CD274: variants seen among roughly 807,000 people sequenced by gnomAD.
The protein encoded by CD274 is CD274 molecule.
A neutral mutation model predicts 30.1 loss-of-function variants in CD274; 8 were observed. That is an observed-to-expected ratio of 0.27 (90% CI 0.16 to 0.48). The LOEUF is 0.48. CD274 is among the 20% of genes least tolerant of loss of function. CD274 has a pLI of 0.99. For synonymous variants in CD274, 152 were observed against 124.6 expected (o/e 1.22, Z -1.46); for missense variants, 353 against 346.6 (o/e 1.02, Z -0.15).
Position 5,455,836 on chromosome 9 carries a change from G to C in CD274, c.-14-264G>C, listed in dbSNP as rs565840649. On this transcript the variant is annotated intron_variant, in intron 1 of 6. Transcript: ENST00000381577. The stretch of plus-strand genomic sequence containing the variant: ...TATCTTCTTGGCTTCTTTTGAGTGG[G>C]CAGATTTTTTTCACGGCCTGTAACT... 1.8e-3 allele frequency among the ~76,000 whole-genome samples: 271 copies of C among 152,260 alleles called. 1 individual carries two copies. The highest frequency in any genetic ancestry group is 6.0e-3 in the African/African-American group (249 of 41,546).
intron 3 of CD274, among the ~76,000 whole-genome samples, chr9:5,457,877 G>A (rs960178455): frequency 5.3e-5 from 8 of 151,744 alleles, no homozygotes; most frequent in East Asian, 1.9e-4. Flanking sequence ...TATTAGGTCC[G>A]TCAGTTTTCC....
At chr9:5,458,447 C>A (rs544594116) in intron 3 of CD274, among the ~76,000 whole-genome samples, 1 of 152,172 alleles carries the variant, frequency 6.6e-6, no homozygotes, top group Non-Finnish European at 1.5e-5. Flanking sequence ...TAGTTGTAGT[C>A]TTGGGATTAT....
chr9:5,452,972 TTAATATTTTA>T (rs1296648516), intron 1 of CD274, among the ~76,000 whole-genome samples: 1 of 151,944 alleles, frequency 6.6e-6, no homozygotes, highest in African/African-American at 2.4e-5. Flanking sequence ...AAATATCACA[TTAATATTTTA>T]TAACTGTACA....
intron 5 of CD274, 61 bp downstream of exon 5, chr9:5,465,667 C>A: frequency 9.6e-7 from 1 of 1,039,310 alleles, no homozygotes; most frequent in Non-Finnish European, 1.5e-6. Flanking sequence ...AGAATTGGAT[C>A]ATGGCTGCAA....
intron 1 of CD274, among the ~76,000 whole-genome samples, chr9:5,454,416 T>C (rs1368035611): frequency 6.6e-6 from 1 of 152,172 alleles, no homozygotes; most frequent in Non-Finnish European, 1.5e-5. Flanking sequence ...ACACACACTT[T>C]TTTTTTTCAG....
chr9:5,452,383 G>T (rs1563801307), intron 1 of CD274, among the ~76,000 whole-genome samples: 1 of 152,122 alleles, frequency 6.6e-6, no homozygotes, highest in Non-Finnish European at 1.5e-5. Flanking sequence ...AGTAGTATTA[G>T]TTCCATAGTG....
chr9:5,451,210 A>G (rs912937641), intron 1 of CD274, among the ~76,000 whole-genome samples: 1 of 152,206 alleles, frequency 6.6e-6, no homozygotes, highest in African/African-American at 2.4e-5. Context: ...ACAAGGAGTA[A>G]AAGTACCATT....
chr9:5,463,230 T>C (rs904308082), intron 4 of CD274, 109 bp downstream of exon 4: 1 of 825,042 alleles, frequency 1.2e-6, no homozygotes, highest in Non-Finnish European at 2.0e-6. Flanking sequence ...AATGAATGAA[T>C]GAATAACACT....
rs2131212562 is a variant in CD274 at position 5,457,336 on chromosome 9, G to A, written c.310G>A (p.Val104Met). The change falls in exon 3 of 7, where the codon GTG becomes ATG. Residue 104 changes from valine to methionine, a missense_variant. Val to Met is a conservative substitution (Grantham distance 21). Transcript: ENST00000381577. ...LGNAALQITDVKLQDAGVYRC... is the reference protein window; with the variant it reads ...LGNAALQITDMKLQDAGVYRC... Reference sequence around the variant, plus strand: ...AAATGCTGCACTTCAGATCACAGATGTGAAATTGCAGGATGCAGGGGTGTA... The same window carrying A: ...AAATGCTGCACTTCAGATCACAGATATGAAATTGCAGGATGCAGGGGTGTA... 6.2e-7 allele frequency: 1 copy of A among 1,614,116 alleles called. No individual in the cohort carries two copies. The highest frequency in any genetic ancestry group is 8.5e-7 in the Non-Finnish European group (1 of 1,180,000).
chr9:5,454,315 T>C (rs1819261765), intron 1 of CD274, among the ~76,000 whole-genome samples: 1 of 152,124 alleles, frequency 6.6e-6, no homozygotes, highest in Non-Finnish European at 1.5e-5. Context: ...TTAAAAACAA[T>C]AAAGAGTGAA....
At chr9:5,456,700 C>G (rs1819310523) in intron 2 of CD274, among the ~76,000 whole-genome samples, 1 of 152,228 alleles carries the variant, frequency 6.6e-6, no homozygotes, top group African/African-American at 2.4e-5. Context: ...CTGTTAGAAT[C>G]TACCATTCCC....
intron 1 of CD274, among the ~76,000 whole-genome samples, chr9:5,454,401 C>T (rs773167669): frequency 1.3e-5 from 2 of 151,874 alleles, no homozygotes; most frequent in Non-Finnish European, 2.9e-5. Context: ...TGTGTCTAAA[C>T]ACACACACAC....
chr9:5,451,488 G>A (rs1217062494), intron 1 of CD274, among the ~76,000 whole-genome samples: 1 of 152,190 alleles, frequency 6.6e-6, no homozygotes, highest in Admixed American at 6.5e-5. Context: ...CAAAGAGCCT[G>A]AATATTTTAA....
At chr9:5,452,023 T>G (rs917009151) in intron 1 of CD274, among the ~76,000 whole-genome samples, 10 of 113,160 alleles carry the variant, frequency 8.8e-5, no homozygotes, top group Non-Finnish European at 1.8e-4. Context: ...CGGTTTTTTT[T>G]GTCTTTTTTT....
Position 5,457,174 on chromosome 9 carries a change from C to T in CD274, c.148C>T (p.Leu50=), listed in dbSNP as rs762947500. 231 of 1,613,694 alleles carry T rather than the reference C, an allele frequency of 1.4e-4. 3 individuals carry two copies. The East Asian group carries it at 5.1e-3, about 36-fold the overall frequency. The change falls in exon 3 of 7, where the codon CTG becomes TTG. Residue 50 remains leucine, a synonymous_variant. Transcript: ENST00000381577. ...CKFPVEKQLD[L]AALIVYWEME... ...ATTCCCAGTAGAAAAACAATTAGAC[C>T]TGGCTGCACTAATTGTCTATTGGGA...
intron 1 of CD274, among the ~76,000 whole-genome samples, chr9:5,451,221 G>A (rs761534307): frequency 6.6e-6 from 1 of 152,052 alleles, no homozygotes; most frequent in East Asian, 1.9e-4. Flanking sequence ...AAGTACCATT[G>A]TTCTACCTCT....
At chr9:5,450,856 G>C (rs1020537200) in intron 1 of CD274, among the ~76,000 whole-genome samples, 6 of 152,218 alleles carry the variant, frequency 3.9e-5, no homozygotes, top group Non-Finnish European at 7.3e-5. Context: ...AAATAAGATA[G>C]GTAGTATAGG....
chr9:5,465,513 C>T lies in CD274; in HGVS notation c.697C>T (p.His233Tyr), dbSNP rs757337666. The change falls in exon 5 of 7, where the codon CAT becomes TAT. Residue 233 changes from histidine (H) to tyrosine (Y), a missense_variant. Transcript: ENST00000381577. The stretch of plus-strand genomic sequence containing the variant: ...TTGTTTTTCAGAACTACCTCTGGCA[C>T]ATCCTCCAAATGAAAGGACTCACTT... Reference protein sequence around the residue: ...ELVIPELPLAHPPNERTHLVI... With the variant: ...ELVIPELPLAYPPNERTHLVI... The T allele has an allele frequency of 3.7e-6, 6 of 1,606,636 alleles. No individual in the cohort carries two copies. The African/African-American group carries it at 6.7e-5, about 18-fold the overall frequency.
chr9:5,455,310 G>A (rs752108865), intron 1 of CD274, among the ~76,000 whole-genome samples: 67 of 152,268 alleles, frequency 4.4e-4, no homozygotes, highest in Admixed American at 7.2e-4. Context: ...TATTCCTCAT[G>A]CTTAAAATAG....
Sources: gnomAD v4.1 joint callset for allele counts (sites outside exome capture counted in the v4.1 genomes callset) on GRCh38, gnomAD v4.1.1 for gene constraint, MANE v1.5 for transcripts, NCBI Gene and HGNC (gene_info 2026-07-23, HGNC 2026-07-21) for gene names.